The following SCAF1 variants were observed in gnomAD, a reference collection of about 807,000 sequenced individuals.
SCAF1 encodes splicing factor, arginine/serine-rich 19.
Under a neutral mutation model 91.2 loss-of-function variants are expected in SCAF1, and 28 were observed. The ratio of observed to expected loss-of-function variants is 0.31; its 90% CI spans 0.23 to 0.42. SCAF1 has a LOEUF of 0.42. Among genes scored for constraint, SCAF1 ranks in the 10% least tolerant of loss-of-function variants. SCAF1 has a pLI of 1.00. For synonymous variants in SCAF1, 1,036 were observed against 833.7 expected, an observed-to-expected ratio of 1.24 and a Z score of -4.18; for missense variants, 1,893 against 1,872.1, an observed-to-expected ratio of 1.01 and a Z score of -0.21.
chr19:49,646,374 T>C lies in SCAF1; in HGVS notation c.262-152T>C. The C allele has an allele frequency of 2.4e-6, 2 of 819,360 alleles. No individual in the cohort carries two copies. Among genetic ancestry groups the C allele is most frequent in the South Asian group, 3.2e-5 (2 of 62,212 alleles). 50.8% of individuals were successfully genotyped at this position (819,360 alleles called of 1,614,324 possible). ...CTGATCTGTGGGCCTGAGCTTTGAG[T>C]GTTGATGGCAGTCAGGCTATAGGAA... is the stretch of plus-strand genomic sequence containing the variant. On this transcript the variant is annotated intron_variant, in intron 4 of 10. Coordinates refer to ENST00000360565, the MANE Select transcript of SCAF1 (RefSeq NM_021228.3). This position sits in a 1 kb window ranked among gnomAD's most constrained non-coding sequence, Gnocchi z 5.6.
chr19:49,655,433 C>T (rs2081133019), intron 9 of SCAF1, among the ~76,000 whole-genome samples: 1 of 152,208 alleles, frequency 6.6e-6, no homozygotes, highest in South Asian at 2.1e-4. Flanking sequence ...ATGGTGCCAT[C>T]TCGGCTCACT....
chr19:49,650,399 TG>T (rs2081078294), intron 6 of SCAF1, among the ~76,000 whole-genome samples: 1 of 152,202 alleles, frequency 6.6e-6, no homozygotes, highest in African/African-American at 2.4e-5. Flanking sequence ...GCTCTCCCCC[TG>T]CAGCCTGTTT....
chr19:49,651,369 C>G lies in SCAF1; in HGVS notation c.980C>G (p.Thr327Arg). Reference sequence around the variant, plus strand: ...AGCCCCCGCCCGGACGCGCAGCCCACACAGCCGACTCCCGCCCCTGGAACG... The same window carrying G: ...AGCCCCCGCCCGGACGCGCAGCCCAGACAGCCGACTCCCGCCCCTGGAACG... ...DESPRPDAQP[T>R]QPTPAPGTPP... Residue 327 changes from threonine (T) to arginine (R), a missense_variant, in exon 7 of 11, where the codon ACA (threonine) becomes AGA (arginine). Physicochemically the swap from Thr to Arg is moderately conservative, Grantham distance 71 (BLOSUM62 -1). Coordinates refer to ENST00000360565, the MANE Select transcript of SCAF1 (RefSeq NM_021228.3). 6.2e-7 allele frequency: 1 copy of G among 1,608,026 alleles called. No homozygotes were observed. The highest frequency in any genetic ancestry group is 1.1e-5 in the South Asian group (1 of 91,020).
intron 6 of SCAF1, 71 bp from the exon 7 acceptor site, chr19:49,650,797 C>A: frequency 7.7e-7 from 1 of 1,294,210 alleles, no homozygotes; most frequent in Non-Finnish European, 1.1e-6. Context: ...GTGTCCACGG[C>A]TGGGCCAGCA....
rs11538797 is a variant in SCAF1, at chr19:49,652,627, C to A, written c.2238C>A (p.Ser746Arg). Residue 746 changes from serine to arginine, a missense_variant, in exon 7 of 11, where the codon AGC (serine) becomes AGA (arginine). By Grantham distance (110) the Ser-to-Arg change is moderately radical. Coordinates refer to ENST00000360565, the MANE Select transcript of SCAF1 (RefSeq NM_021228.3). ...GLSGEERGGKSSQKDRRRSGA... is the reference protein window; with the variant it reads ...GLSGEERGGKRSQKDRRRSGA... ...GCGGCGAGGAGCGGGGCGGCAAGAG[C>A]AGCCAGAAGGATCGGCGCCGCTCGG... 34 of 1,563,264 alleles carry A rather than the reference C, an allele frequency of 2.2e-5. No homozygotes were observed. The highest frequency in any genetic ancestry group is 2.9e-5 in the Non-Finnish European group (34 of 1,154,050).
At chr19:49,650,772 C>T in intron 6 of SCAF1, 96 bp from the exon 7 acceptor site, 1 of 937,170 alleles carries the variant, frequency 1.1e-6, no homozygotes, top group Non-Finnish European at 1.6e-6. Context: ...TGGGCAGGAC[C>T]TGGTGGCCCA....
At chr19:49,649,291 C>T (rs1485012111) in intron 6 of SCAF1, among the ~76,000 whole-genome samples, 1 of 152,138 alleles carries the variant, frequency 6.6e-6, no homozygotes, top group Non-Finnish European at 1.5e-5. Flanking sequence ...GTATTTTGTG[C>T]TTAAGGTGCT....
chr19:49,646,941 C>T lies in SCAF1; in HGVS notation c.478+111C>T. 1.3e-6 allele frequency: 1 copy of T among 771,432 alleles called. No individual in the cohort carries two copies. The highest frequency in any genetic ancestry group is 2.1e-6 in the Non-Finnish European group (1 of 486,548). The allele number at this position is 771,432 out of a possible 1,614,324, so 47.8% of individuals were successfully genotyped here. A position where few individuals can be genotyped will look rare whatever the true frequency, so the allele number is the denominator to read the frequency against. On this transcript the variant is annotated intron_variant, in intron 6 of 10. Coordinates refer to ENST00000360565, the MANE Select transcript of SCAF1 (RefSeq NM_021228.3). This position sits in a 1 kb window ranked among gnomAD's most constrained non-coding sequence, Gnocchi z 5.6. ...CATGTTATTTAGACAAAACCTTTCC[C>T]TTCTCTTCGTATTAGACGTGATTAA...
chr19:49,657,448 T>C (rs1899195503), intron 9 of SCAF1, among the ~76,000 whole-genome samples: 1 of 152,152 alleles, frequency 6.6e-6, no homozygotes, highest in African/African-American at 2.4e-5. Flanking sequence ...TCTTGGCCAA[T>C]GCCTGTCTTC....
At chr19:49,654,485 G>A (rs945724441) in intron 8 of SCAF1, 54 bp downstream of exon 8, 82 of 1,555,068 alleles carry the variant, frequency 5.3e-5, no homozygotes, top group African/African-American at 1.1e-4. Flanking sequence ...CCATTGCCTC[G>A]GGTTAGGAGA....
At chr19:49,641,338 C>G (rs1174201774), upstream of SCAF1, among the ~76,000 whole-genome samples, 1 of 152,132 alleles carries the variant, frequency 6.6e-6, no homozygotes, top group East Asian at 1.9e-4. Flanking sequence ...ATTTTTGAGA[C>G]GGAGTTTCCG....
intron 9 of SCAF1, among the ~76,000 whole-genome samples, 195 bp downstream of exon 9, chr19:49,655,065 A>G (rs1436188716): frequency 1.3e-5 from 2 of 152,166 alleles, no homozygotes; most frequent in African/African-American, 4.8e-5. Flanking sequence ...GGCGTGTCCA[A>G]AGGAAAATCG....
rs1181023037 is a variant in SCAF1 at position 49,658,530 on chromosome 19, C to T, written c.*131C>T. 12 of 618,752 alleles carry T rather than the reference C, an allele frequency of 1.9e-5. No homozygotes were observed. Among genetic ancestry groups the T allele is most frequent in the Non-Finnish European group, 2.8e-5 (10 of 351,646 alleles). 38.3% of individuals were successfully genotyped at this position (618,752 alleles called of 1,614,324 possible). On this transcript the variant is annotated 3_prime_UTR_variant, in exon 11 of 11. Transcript: ENST00000360565. ...TTGCTGCAGGGAAGAGGAGAGCCCCCTGCCCTGCCCTGCCCCGTGTCCACC... is the reference window on the plus strand; with the variant it reads ...TTGCTGCAGGGAAGAGGAGAGCCCCTTGCCCTGCCCTGCCCCGTGTCCACC...
In SCAF1 at chr19:49,651,536, C is replaced by T. The variant is rs1328202200; in HGVS notation, c.1147C>T (p.Leu383=). ...TGGTGGAGCCGCCCTCCCGCCGCCC[C>T]TGCTGCCGCCCGGCGACTCGGAGAT... ...TAGGAALPPP[L]LPPGDSEIEE... Residue 383 remains leucine, a synonymous_variant, in exon 7 of 11, where the codon CTG becomes TTG. Transcript: ENST00000360565. The T allele has an allele frequency of 1.3e-6, 2 of 1,564,600 alleles. No individual in the cohort carries two copies. The highest frequency in any genetic ancestry group is 1.9e-5 in the Admixed American group (1 of 53,220).
At chr19:49,644,525 T>C (rs898727273) in intron 1 of SCAF1, among the ~76,000 whole-genome samples, 3 of 152,208 alleles carry the variant, frequency 2.0e-5, no homozygotes, top group Non-Finnish European at 4.4e-5. Flanking sequence ...GTTGATGCTC[T>C]AGGAAGCCGT....
intron 10 of SCAF1, 76 bp downstream of exon 10, chr19:49,657,965 G>A: frequency 1.3e-6 from 2 of 1,533,666 alleles, no homozygotes; most frequent in East Asian, 2.3e-5. Flanking sequence ...GCAGACAGAT[G>A]GACGCGGATG....
rs1568444968 is a variant in SCAF1, at chr19:49,653,168, G to A, written c.2779G>A (p.Val927Ile). 1 of 1,595,400 alleles carries A rather than the reference G, an allele frequency of 6.3e-7. No homozygotes were observed. ...KTKPSKTRKK[V>I]RSGGGSGGSG... ...CAAGCCATCCAAGACCAGGAAAAAG[G>A]TCCGCAGTGGAGGTGGCAGCGGGGG... Residue 927 changes from valine (V) to isoleucine (I), a missense_variant, in exon 7 of 11, where the codon GTC (valine) becomes ATC (isoleucine). Transcript: ENST00000360565.
Position 49,651,406 on chromosome 19 carries a change from G to A in SCAF1, c.1017G>A (p.Val339=), listed in dbSNP as rs745604026. ...CCGCCCCTGGAACGCCGCCCCAGGTGGACTCCACCCGGGCTGATGGAGCCA... is the reference window on the plus strand; with the variant it reads ...CCGCCCCTGGAACGCCGCCCCAGGTAGACTCCACCCGGGCTGATGGAGCCA... ...PTPAPGTPPQ[V]DSTRADGAMR... is the part of the protein sequence containing the mutation. Residue 339 remains valine (V), a synonymous_variant, in exon 7 of 11, where the codon GTG becomes GTA. Coordinates refer to ENST00000360565, the MANE Select transcript of SCAF1 (RefSeq NM_021228.3). 1.2e-6 allele frequency: 2 copies of A among 1,607,056 alleles called. No individual in the cohort carries two copies. Among genetic ancestry groups the A allele is most frequent in the East Asian group, 2.2e-5 (1 of 44,660 alleles).
intron 6 of SCAF1, among the ~76,000 whole-genome samples, chr19:49,648,561 C>CA (rs34650454): frequency 1.6e-4 from 9 of 56,480 alleles, no homozygotes; most frequent in African/African-American, 6.6e-4. Flanking sequence ...GCCTGCCACA[C>CA]CCCCCCCCCT....
Sources: gnomAD v4.1 joint callset for allele counts (sites outside exome capture counted in the v4.1 genomes callset) on GRCh38, gnomAD v4.1.1 for gene constraint, Gnocchi (gnomAD v3.1) non-coding constraint, MANE v1.5 for transcripts, NCBI Gene and HGNC (gene_info 2026-07-23, HGNC 2026-07-21) for gene names.